Variants in DNAJC10 observed in about 807,000 individuals in gnomAD.
The protein encoded by DNAJC10 is endoplasmic reticulum disulfide reductase DNAJC10.
A neutral mutation model predicts 115.0 loss-of-function variants in DNAJC10; 101 were observed. The ratio of observed to expected loss-of-function variants is 0.88; its 90% CI spans 0.75 to 1.04. The LOEUF is 1.04. Among genes scored for constraint, DNAJC10 ranks in the 50% least tolerant of loss-of-function variants. The pLI is 0.00. For synonymous variants in DNAJC10, 307 were observed against 301.5 expected (o/e 1.02, Z -0.19); for missense variants, 981 against 928.8 (o/e 1.06, Z -0.73).
rs577468673 is a variant in DNAJC10, at chr2:182,747,582, A to G, written c.1306+3870A>G. 1.2e-3 allele frequency among the ~76,000 whole-genome samples: 182 copies of G among 152,112 alleles called. 1 individual carries two copies. The highest frequency in any genetic ancestry group is 4.1e-3 in the African/African-American group (172 of 41,450). On this transcript the variant is annotated intron_variant, in intron 14 of 23. Coordinates refer to ENST00000264065, the MANE Select transcript of DNAJC10 (RefSeq NM_018981.4). The stretch of plus-strand genomic sequence containing the variant: ...TGTGATTTTTGCACATTGATTTTGT[A>G]TCCTGAGACTTTGCTGAAGTTGTTT...
chr2:182,758,772 T>G, intron 19 of DNAJC10, 65 bp from the exon 20 acceptor site: 1 of 1,130,170 alleles, frequency 8.8e-7, no homozygotes, highest in Non-Finnish European at 1.3e-6. Flanking sequence ...TACAATAAGA[T>G]TGTTTTCTGA....
Position 182,718,295 on chromosome 2 carries a change from G to T in DNAJC10, c.204+5G>T. On this transcript the variant is annotated splice_donor_5th_base_variant and intron_variant, in intron 3 of 23. Transcript: ENST00000264065. ...TTACATCCTGATAAAAACCCGGTAG[G>T]TAAACGTTTGTTTTTAAAAATATTT... 1 of 1,571,448 alleles carries T rather than the reference G, an allele frequency of 6.4e-7. No individual in the cohort carries two copies. The highest frequency in any genetic ancestry group is 2.3e-5 in the East Asian group (1 of 44,160).
chr2:182,740,247 A>G, intron 11 of DNAJC10, 52 bp from the exon 12 acceptor site: 1 of 1,245,736 alleles, frequency 8.0e-7, no homozygotes, highest in Non-Finnish European at 1.1e-6. Context: ...AAAGATATCA[A>G]ATATAATGAA....
chr2:182,777,100 G>T (rs544685316), intron 23 of DNAJC10, 21 bp from the exon 24 acceptor site: 2 of 1,370,598 alleles, frequency 1.5e-6, no homozygotes, highest in Non-Finnish European at 2.0e-6. Flanking sequence ...TTTCTCTATC[G>T]CCTTTACATT....
At chr2:182,734,829 G>T (rs1574928022) in intron 10 of DNAJC10, among the ~76,000 whole-genome samples, 1 of 151,276 alleles carries the variant, frequency 6.6e-6, no homozygotes, top group Non-Finnish European at 1.5e-5. Flanking sequence ...ATCTCCTTTC[G>T]TGCCTTTTGC....
rs370486841 is a variant in DNAJC10, at chr2:182,755,118, T to C, written c.1653+14T>C. On this transcript the variant is annotated intron_variant, in intron 17 of 23. Coordinates refer to ENST00000264065, the MANE Select transcript of DNAJC10 (RefSeq NM_018981.4). ...GAGTTCATAGAGGTATTTCAGATTA[T>C]AGACTATGTGACTAGAAATTTGTCT... The C allele has an allele frequency of 6.1e-6, 9 of 1,479,712 alleles. No homozygotes were observed. The highest frequency in any genetic ancestry group is 5.0e-5 in the Admixed American group (3 of 59,800). 91.7% of individuals were successfully genotyped at this position (1,479,712 alleles called of 1,614,324 possible).
In DNAJC10 at chr2:182,741,296, A is replaced by G. The variant is rs756652209; in HGVS notation, c.1131A>G (p.Glu377=). The change falls in exon 13 of 24, where the codon GAA becomes GAG. Residue 377 remains glutamate (E), a synonymous_variant. Coordinates refer to ENST00000264065, the MANE Select transcript of DNAJC10 (RefSeq NM_018981.4). The part of the protein sequence containing the change: ...WLLFFHFGKN[E]NSNDPELKKL... ...TATTTTTTCATTTTGGAAAAAATGA[A>G]AATTCAAATGATCCTGAGCTGAAAA... The G allele has an allele frequency of 1.2e-6, 2 of 1,606,108 alleles. No individual in the cohort carries two copies. Among genetic ancestry groups the G allele is most frequent in the African/African-American group, 2.7e-5 (2 of 74,278 alleles).
chr2:182,732,483 G>GT lies in DNAJC10; in HGVS notation c.806-9dup, dbSNP rs746032479. On this transcript the variant is annotated splice_polypyrimidine_tract_variant and intron_variant, in intron 9 of 23. Coordinates refer to ENST00000264065, the MANE Select transcript of DNAJC10 (RefSeq NM_018981.4). ...AATAAAGGTAAAACTGCCTCATAAG[G>GT]TTTTTTTGTCCCCAGATTGTTTGAC... 2 of 1,612,886 alleles carry GT rather than the reference G, an allele frequency of 1.2e-6. No homozygotes were observed. The highest frequency in any genetic ancestry group is 1.7e-6 in the Non-Finnish European group (2 of 1,179,260).
Position 182,779,283 on chromosome 2 carries a change from A to G in DNAJC10, c.*2151A>G, listed in dbSNP as rs897165056. 4.6e-5 allele frequency: 7 copies of G among 152,208 alleles called. No homozygotes were observed. Among genetic ancestry groups the G allele is most frequent in the African/African-American group, 1.7e-4 (7 of 41,462 alleles). The allele number at this position is 152,208 out of a possible 1,614,324, so 9.4% of individuals were successfully genotyped here. The stretch of plus-strand genomic sequence containing the variant: ...GGCAGATTGAGCTTTTAATGGCTAT[A>G]TTGATACAGTAGATAGAGCACCTCT... On this transcript the variant is annotated 3_prime_UTR_variant, in exon 24 of 24. Transcript: ENST00000264065.
At chr2:182,732,953 T>C (rs1693489594) in intron 10 of DNAJC10, among the ~76,000 whole-genome samples, 1 of 152,042 alleles carries the variant, frequency 6.6e-6, no homozygotes, top group Non-Finnish European at 1.5e-5. Flanking sequence ...CTTTGTGGCT[T>C]TGTGGCTTGA....
intron 22 of DNAJC10, among the ~76,000 whole-genome samples, chr2:182,764,454 T>C (rs1694361543): frequency 6.6e-6 from 1 of 152,234 alleles, no homozygotes; most frequent in South Asian, 2.1e-4. Flanking sequence ...CTTTTCTAAA[T>C]AGGTGCAGGG....
At chr2:182,755,187 G>A (rs2105675502) in intron 17 of DNAJC10, 83 bp downstream of exon 17, 2 of 835,358 alleles carry the variant, frequency 2.4e-6, no homozygotes, top group South Asian at 3.1e-5. Flanking sequence ...TTGTTTAATA[G>A]GATTTACTCT....
At chr2:182,740,950 C>T (rs191810999) in intron 12 of DNAJC10, among the ~76,000 whole-genome samples, 1 of 152,078 alleles carries the variant, frequency 6.6e-6, no homozygotes, top group Non-Finnish European at 1.5e-5. Context: ...AAGCTGACAA[C>T]TTTGCCACCC....
At position 182,728,612 on chromosome 2, in the gene DNAJC10, A is replaced by G. The variant is rs748032250; in HGVS notation, c.455A>G (p.Asn152Ser). The part of the protein sequence containing the change: ...AVNSGELWFV[N>S]FYSPGCSHCH... ...AATTCTGGAGAACTGTGGTTTGTAA[A>G]TTTTTACTCCCCAGGCTGTTCACAC... Residue 152 changes from asparagine to serine, a missense_variant, in exon 6 of 24, where the codon AAT becomes AGT. By Grantham distance (46) the Asn-to-Ser change is conservative. Coordinates refer to ENST00000264065, the MANE Select transcript of DNAJC10 (RefSeq NM_018981.4). 6.2e-7 allele frequency: 1 copy of G among 1,612,294 alleles called. No homozygotes were observed. Among genetic ancestry groups the G allele is most frequent in the African/African-American group, 1.3e-5 (1 of 74,832 alleles).
At position 182,728,969 on chromosome 2, in the gene DNAJC10, G is replaced by C; in HGVS notation, c.608G>C (p.Ser203Thr). ...CRMKGVNSYP[S>T]LFIFRSGMAP... ...ATGAAAGGAGTCAACAGCTATCCCA[G>C]CCTCTTCATTTTTCGGTCTGGAATG... is the stretch of plus-strand genomic sequence containing the variant. Residue 203 changes from serine (S) to threonine (T), a missense_variant, in exon 7 of 24, where the codon AGC becomes ACC. Physicochemically the swap from Ser to Thr is moderately conservative, Grantham distance 58 (BLOSUM62 1). Transcript: ENST00000264065. 2 of 1,614,040 alleles carry C rather than the reference G, an allele frequency of 1.2e-6. No individual in the cohort carries two copies. Among genetic ancestry groups the C allele is most frequent in the Non-Finnish European group, 1.7e-6 (2 of 1,179,974 alleles).
At position 182,757,720 on chromosome 2, in the gene DNAJC10, G is replaced by C; in HGVS notation, c.1838G>C (p.Ser613Thr). 6.3e-7 allele frequency: 1 copy of C among 1,599,172 alleles called. No homozygotes were observed. Among genetic ancestry groups the C allele is most frequent in the Non-Finnish European group, 8.5e-7 (1 of 1,173,750 alleles). Residue 613 changes from serine to threonine, a missense_variant, in exon 19 of 24, where the codon AGT becomes ACT. Transcript: ENST00000264065. ...TTAACTGGACTGATCAACGTGGGCA[G>C]TATAGATTGCCAACAGTATCATTCT... Reference protein sequence around the residue: ...RTLTGLINVGSIDCQQYHSFC... With the variant: ...RTLTGLINVGTIDCQQYHSFC...
At chr2:182,744,482 T>G (rs1035107807) in intron 14 of DNAJC10, among the ~76,000 whole-genome samples, 1 of 152,184 alleles carries the variant, frequency 6.6e-6, no homozygotes, top group Non-Finnish European at 1.5e-5. Context: ...TCAAATAGAT[T>G]TCTGCATAGT....
intron 23 of DNAJC10, among the ~76,000 whole-genome samples, chr2:182,775,980 C>T (rs1694694917): frequency 6.6e-6 from 1 of 152,024 alleles, no homozygotes; most frequent in South Asian, 2.1e-4. Flanking sequence ...AATGGGGTAA[C>T]TGCTAATGGG....
chr2:182,787,994 T>A lies in DNAJC10; in HGVS notation c.*10862T>A, dbSNP rs563735736. 71 of 152,244 alleles carry A rather than the reference T, an allele frequency of 4.7e-4. 1 individual carries two copies. In the South Asian group the frequency reaches 5.6e-3, roughly 12 times the overall value. The allele number at this position is 152,244 out of a possible 1,614,324, so 9.4% of individuals were successfully genotyped here. A position where few individuals can be genotyped will look rare whatever the true frequency, so the allele number is the denominator to read the frequency against. The stretch of plus-strand genomic sequence containing the variant: ...TGAAGTAATGCTCACATAGAAAAAT[T>A]AAGGCATATTATTTTACTGTACTCT... On this transcript the variant is annotated 3_prime_UTR_variant, in exon 24 of 24. Transcript: ENST00000264065.
Sources: allele counts gnomAD v4.1 joint callset (sites outside exome capture counted in the v4.1 genomes callset), GRCh38; gene constraint gnomAD v4.1.1; transcripts MANE v1.5; gene names NCBI Gene and HGNC (gene_info 2026-07-23, HGNC 2026-07-21).